SMOC2: variants seen among roughly 807,000 people sequenced by gnomAD.
SMOC2 encodes SPARC-related modular calcium-binding protein 2.
A neutral mutation model predicts 61.4 loss-of-function variants in SMOC2; 39 were observed. The ratio of observed to expected loss-of-function variants is 0.64; its 90% CI spans 0.49 to 0.83. SMOC2 has a LOEUF of 0.83. SMOC2 is among the 40% of genes least tolerant of loss of function. The pLI is 0.00. For synonymous variants in SMOC2, 247 were observed against 239.9 expected (o/e 1.03, Z -0.27); for missense variants, 556 against 592.9 (o/e 0.94, Z 0.65).
intron 1 of SMOC2, among the ~76,000 whole-genome samples, chr6:168,468,670 G>A (rs1029917385): frequency 2.6e-5 from 4 of 152,168 alleles, no homozygotes; most frequent in African/African-American, 9.7e-5. Flanking sequence ...GAGTAGCTGG[G>A]ATTACAGGTG....
intron 9 of SMOC2, among the ~76,000 whole-genome samples, chr6:168,620,840 G>A (rs1215626403): frequency 6.6e-6 from 1 of 152,146 alleles, no homozygotes; most frequent in Non-Finnish European, 1.5e-5. Context: ...AATAGAAATG[G>A]CCCAGCTGAT....
chr6:168,449,206 C>G (rs1190802785), intron 1 of SMOC2, among the ~76,000 whole-genome samples: 3 of 152,268 alleles, frequency 2.0e-5, no homozygotes, highest in Admixed American at 1.3e-4. Flanking sequence ...CGCTTGCCCC[C>G]TTATTCCTCT....
intron 7 of SMOC2, among the ~76,000 whole-genome samples, chr6:168,579,327 A>G (rs1412239587): frequency 3.3e-5 from 5 of 152,214 alleles, no homozygotes; most frequent in Admixed American, 3.3e-4. Context: ...CCCTCTGGCT[A>G]TTGGCTTATG....
chr6:168,621,713 TCTCAC>T (rs1786250646), intron 9 of SMOC2, among the ~76,000 whole-genome samples: 1 of 31,410 alleles, frequency 3.2e-5, no homozygotes, highest in African/African-American at 1.3e-4. Context: ...AACCATCAGA[TCTCAC>T]GATCTCACGC....
In SMOC2 at chr6:168,619,952, G is replaced by A. The variant is rs186607851; in HGVS notation, c.907+11713G>A. Among the ~76,000 whole-genome samples the A allele has an allele frequency of 1.4e-3, 208 of 152,310 alleles. 1 individual carries two copies. Among genetic ancestry groups the A allele is most frequent in the African/African-American group, 4.3e-3 (179 of 41,562 alleles). ...CATGGTCACTGTGCTCCGGCAGGCC[G>A]TTGTCCAGCTCGCTCTCAAGGTTCC... On this transcript the variant is annotated intron_variant, in intron 9 of 12. Transcript: ENST00000356284.
chr6:168,464,213 GAA>G (rs1461314718), intron 1 of SMOC2, among the ~76,000 whole-genome samples: 5 of 147,352 alleles, frequency 3.4e-5, no homozygotes, highest in African/African-American at 1.3e-4. Flanking sequence ...GAGGAAGGAA[GAA>G]AGGAAGGAAG....
intron 1 of SMOC2, among the ~76,000 whole-genome samples, chr6:168,467,136 A>AACACACACACACACACAC (rs10536582): frequency 4.6e-4 from 62 of 133,428 alleles, no homozygotes; most frequent in African/African-American, 9.4e-4. Context: ...AGTGCTCTCA[A>AACACACACACACACACAC]ACACACACAC....
chr6:168,573,818 C>T (rs1005658828), intron 7 of SMOC2, among the ~76,000 whole-genome samples: 17 of 152,184 alleles, frequency 1.1e-4, no homozygotes, highest in African/African-American at 3.6e-4. Context: ...CATTGTCCAT[C>T]CCACTAACGA....
At chr6:168,517,061 T>C (rs1468668343) in intron 2 of SMOC2, among the ~76,000 whole-genome samples, 2 of 152,250 alleles carry the variant, frequency 1.3e-5, no homozygotes, top group African/African-American at 4.8e-5. Context: ...GTGATGGTTG[T>C]AACAGGAATC....
intron 1 of SMOC2, among the ~76,000 whole-genome samples, chr6:168,451,137 C>T (rs1473020772): frequency 6.6e-6 from 1 of 152,150 alleles, no homozygotes; most frequent in African/African-American, 2.4e-5. Context: ...CAGGGGAAAG[C>T]CCAGGAGAGC....
At chr6:168,567,918 G>A (rs1400467789) in intron 7 of SMOC2, among the ~76,000 whole-genome samples, 1 of 151,748 alleles carries the variant, frequency 6.6e-6, no homozygotes, top group East Asian at 1.9e-4. Flanking sequence ...ACCGGATGGT[G>A]TGAGTCGGTG....
At chr6:168,644,671 ACAGAGTCTCGCTCTGTCT>A (rs1440552635) in intron 9 of SMOC2, among the ~76,000 whole-genome samples, 1 of 126,680 alleles carries the variant, frequency 7.9e-6, no homozygotes, top group Non-Finnish European at 1.6e-5. Flanking sequence ...TTTTTTTGAG[ACAGAGTCTCGCTCTGTCT>A]CCCAGGCTGG....
At chr6:168,552,641 T>C (rs1274777585) in intron 7 of SMOC2, among the ~76,000 whole-genome samples, 1 of 152,246 alleles carries the variant, frequency 6.6e-6, no homozygotes. Flanking sequence ...CATATAATGA[T>C]AGTAGTCTTT....
chr6:168,568,491 A>G (rs1315666152), intron 7 of SMOC2, among the ~76,000 whole-genome samples: 1 of 152,200 alleles, frequency 6.6e-6, no homozygotes, highest in Non-Finnish European at 1.5e-5. Flanking sequence ...TCCAGAGTTT[A>G]CATTAAGGTT....
chr6:168,638,039 C>T (rs1025364753), intron 9 of SMOC2, among the ~76,000 whole-genome samples: 1 of 150,018 alleles, frequency 6.7e-6, no homozygotes, highest in African/African-American at 2.4e-5. Context: ...TCTGCGCACT[C>T]CCTGGCCAGT....
chr6:168,591,560 G>T (rs901728936), intron 7 of SMOC2, among the ~76,000 whole-genome samples: 2 of 151,314 alleles, frequency 1.3e-5, no homozygotes, highest in African/African-American at 2.4e-5. Flanking sequence ...GCTATTCTTT[G>T]GTTAAAAATG....
intron 9 of SMOC2, among the ~76,000 whole-genome samples, chr6:168,631,535 A>G (rs1342133571): frequency 6.6e-6 from 1 of 152,236 alleles, no homozygotes; most frequent in Non-Finnish European, 1.5e-5. Context: ...GGAGGGTAAC[A>G]TGGGCTGTGC....
intron 1 of SMOC2, among the ~76,000 whole-genome samples, chr6:168,488,215 C>T (rs1251527249): frequency 6.6e-6 from 1 of 152,212 alleles, no homozygotes; most frequent in East Asian, 1.9e-4. Context: ...GCCCCTGGTG[C>T]CTCCGGCACT....
rs149384349 is a variant in SMOC2 at position 168,592,649 on chromosome 6, C to A, written c.638-6169C>A. 7.1e-4 allele frequency among the ~76,000 whole-genome samples: 59 copies of A among 82,658 alleles called. 3 individuals carry two copies. Among genetic ancestry groups the A allele is most frequent in the African/African-American group, 2.0e-3 (53 of 26,250 alleles). 54.2% of individuals were successfully genotyped at this position (82,658 alleles called of 152,430 possible). A position where few individuals can be genotyped will look rare whatever the true frequency, so the allele number is the denominator to read the frequency against. On this transcript the variant is annotated intron_variant, in intron 7 of 12. Transcript: ENST00000356284. Reference sequence around the variant, plus strand: ...CTTCACGGGCATCTTTCTAGAGGATCGCTGAGCTCCTCCTCCTTCCTGAGG... The same window carrying A: ...CTTCACGGGCATCTTTCTAGAGGATAGCTGAGCTCCTCCTCCTTCCTGAGG...
Sources: allele counts gnomAD v4.1 joint callset (sites outside exome capture counted in the v4.1 genomes callset), GRCh38; gene constraint gnomAD v4.1.1; transcripts MANE v1.5; gene names NCBI Gene and HGNC (gene_info 2026-07-23, HGNC 2026-07-21).